The following PLXNA4 variants were observed in gnomAD, a reference collection of about 807,000 sequenced individuals.
PLXNA4 encodes the protein plexin-A4.
In PLXNA4, 44 loss-of-function variants were observed where a neutral mutation model predicts 191.8. The ratio of observed to expected loss-of-function variants is 0.23; its 90% CI spans 0.18 to 0.29. The LOEUF (loss-of-function observed/expected upper bound fraction) is 0.29, where lower values mean the gene tolerates loss of function less well. Among genes scored for constraint, PLXNA4 ranks in the 10% least tolerant of loss-of-function variants. PLXNA4 has a pLI of 1.00. For synonymous variants in PLXNA4, 1,082 were observed against 1,009.5 expected, an observed-to-expected ratio of 1.07 and a Z score of -1.36; for missense variants, 1,800 against 2,488.8, an observed-to-expected ratio of 0.72 and a Z score of 5.89.
chr7:132,597,713 T>C (rs921524107), intron 2 of PLXNA4, among the ~76,000 whole-genome samples: 2 of 152,194 alleles, frequency 1.3e-5, no homozygotes, highest in African/African-American at 2.4e-5. Context: ...GTATGCATTC[T>C]TGTAAAATAT....
At chr7:132,270,310 A>G (rs938901407) in intron 4 of PLXNA4, among the ~76,000 whole-genome samples, 1 of 152,236 alleles carries the variant, frequency 6.6e-6, no homozygotes, top group Non-Finnish European at 1.5e-5. Context: ...GGAGAGATTC[A>G]CAGACAATAG....
chr7:132,130,008 T>A lies in PLXNA4; in HGVS notation c.*471A>T. 1 of 169,166 alleles carries A rather than the reference T, an allele frequency of 5.9e-6. No homozygotes were observed. 10.5% of individuals were successfully genotyped at this position (169,166 alleles called of 1,614,324 possible). A position where few individuals can be genotyped will look rare whatever the true frequency, so the allele number is the denominator to read the frequency against. The stretch of plus-strand genomic sequence containing the variant: ...GGGAAGGGAGAGCCAGGTGATGTCT[T>A]CCCAGTAAAGATAATACTGAAGTCC... On this transcript the variant is annotated 3_prime_UTR_variant, in exon 32 of 32. Transcript: ENST00000321063.
chr7:132,333,138 T>G (rs1186818225), intron 3 of PLXNA4, among the ~76,000 whole-genome samples: 2 of 152,160 alleles, frequency 1.3e-5, no homozygotes, highest in East Asian at 3.9e-4. Flanking sequence ...GATGCTGTGG[T>G]CGGAAACTAG....
intron 3 of PLXNA4, among the ~76,000 whole-genome samples, chr7:132,461,929 T>C (rs1796522373): frequency 6.6e-6 from 1 of 152,154 alleles, no homozygotes; most frequent in Non-Finnish European, 1.5e-5. Context: ...AAATCAAAAT[T>C]AAGAAACCAC....
chr7:132,189,040 G>GAA lies in PLXNA4; in HGVS notation c.2857-1434_2857-1433insTT, dbSNP rs1562909189. ...AGAGAGAGAGAGAGAAAGAGAGAGA[G>GAA]AGAGAGAGAGAGAGAGAGAGAGAGA... On this transcript the variant is annotated intron_variant, in intron 14 of 31. Transcript: ENST00000321063. 2.6e-3 allele frequency among the ~76,000 whole-genome samples: 201 copies of GAA among 76,372 alleles called. 5 individuals carry two copies. The highest frequency in any genetic ancestry group is 0.016 in the East Asian group (43 of 2,672). 50.1% of individuals were successfully genotyped at this position (76,372 alleles called of 152,430 possible). A position where few individuals can be genotyped will look rare whatever the true frequency, so the allele number is the denominator to read the frequency against.
chr7:132,236,630 C>A (rs1562984250), intron 5 of PLXNA4, among the ~76,000 whole-genome samples: 1 of 152,144 alleles, frequency 6.6e-6, no homozygotes, highest in South Asian at 2.1e-4. Flanking sequence ...CTAACAGAGT[C>A]GCCTTCATAT....
chr7:132,225,962 CA>C (rs1374450627), intron 8 of PLXNA4, among the ~76,000 whole-genome samples, 198 bp downstream of exon 8: 1 of 149,956 alleles, frequency 6.7e-6, no homozygotes, highest in Non-Finnish European at 1.5e-5. Flanking sequence ...CTGTGGGTAC[CA>C]GAGGAGAGGG....
intron 3 of PLXNA4, among the ~76,000 whole-genome samples, chr7:132,326,494 T>A (rs1802362788): frequency 6.6e-6 from 1 of 152,094 alleles, no homozygotes; most frequent in African/African-American, 2.4e-5. Context: ...CTCTCTGTCC[T>A]ACTCTTGCCC....
intron 4 of PLXNA4, among the ~76,000 whole-genome samples, chr7:132,274,014 A>G (rs999170325): frequency 1.9e-4 from 28 of 150,738 alleles, no homozygotes; most frequent in Non-Finnish European, 1.8e-4. Flanking sequence ...TAAAAAAAAA[A>G]GGGGGCAACA....
rs78494244 is a variant in PLXNA4 at position 132,538,323 on chromosome 7, G to T, written c.-86-29544C>A. On this transcript the variant is annotated intron_variant, in intron 1 of 31. Transcript: ENST00000321063. ...TTATATGATCAGCACAAATGCACCG[G>T]CAAGGTCTTAGGCAGAGGCAGTCTG... 3.6e-3 allele frequency among the ~76,000 whole-genome samples: 547 copies of T among 152,316 alleles called. 7 individuals are homozygous for T. The highest frequency in any genetic ancestry group is 0.013 in the African/African-American group (520 of 41,566).
At chr7:132,556,170 C>T (rs969818713) in intron 1 of PLXNA4, among the ~76,000 whole-genome samples, 1 of 152,198 alleles carries the variant, frequency 6.6e-6, no homozygotes, top group Admixed American at 6.5e-5. Flanking sequence ...AAGTCAGTGC[C>T]TCCCAAACTT....
chr7:132,361,873 T>C (rs545830727), intron 3 of PLXNA4, among the ~76,000 whole-genome samples: 1 of 152,308 alleles, frequency 6.6e-6, no homozygotes, highest in African/African-American at 2.4e-5. Context: ...TATTTTGTCC[T>C]CCTTTGATCT....
In PLXNA4 at chr7:132,231,465, C is replaced by A. The variant is rs565049520; in HGVS notation, c.1605-2996G>T. 6.6e-5 allele frequency among the ~76,000 whole-genome samples: 10 copies of A among 152,260 alleles called. No individual in the cohort carries two copies. In the East Asian group the frequency reaches 1.7e-3, roughly 26 times the overall value. ...TTTGAGACAGAGTCTGGCTCTGTAGCCCAGGCTGGAATGCAGTGGCGTAAT... is the reference window on the plus strand; with the variant it reads ...TTTGAGACAGAGTCTGGCTCTGTAGACCAGGCTGGAATGCAGTGGCGTAAT... On this transcript the variant is annotated intron_variant, in intron 5 of 31. Transcript: ENST00000321063.
At chr7:132,239,102 G>A (rs892342111) in intron 5 of PLXNA4, among the ~76,000 whole-genome samples, 1 of 152,196 alleles carries the variant, frequency 6.6e-6, no homozygotes, top group Non-Finnish European at 1.5e-5. Flanking sequence ...GCTTCCCCGT[G>A]CAGGCTGAGG....
chr7:132,253,879 T>A (rs1017766622), intron 4 of PLXNA4, among the ~76,000 whole-genome samples: 1 of 152,206 alleles, frequency 6.6e-6, no homozygotes, highest in African/African-American at 2.4e-5. Flanking sequence ...AGCCCCCATA[T>A]GTGCAGACGC....
At chr7:132,606,525 T>C (rs947592339) in intron 2 of PLXNA4, among the ~76,000 whole-genome samples, 1 of 152,250 alleles carries the variant, frequency 6.6e-6, no homozygotes, top group African/African-American at 2.4e-5. Flanking sequence ...GTTTTCTGCA[T>C]TCACCTAGTG....
rs749200371 is a variant in PLXNA4, at chr7:132,185,325, C to A, written c.3132G>T (p.Arg1044=). 4.3e-6 allele frequency: 7 copies of A among 1,613,586 alleles called. No homozygotes were observed. In the South Asian group the frequency reaches 6.6e-5, roughly 15 times the overall value. Residue 1044 remains arginine, a synonymous_variant, in exon 16 of 32, where the codon CGG becomes CGT. Transcript: ENST00000321063. ...TGACAATGCTCCATTCTGGCTCAAT[C>A]CGCACGATGGTGGGGTCTTCCACAT... ...FQYVEDPTIV[R]IEPEWSIVSG...
At chr7:132,382,788 C>A (rs749259544) in intron 3 of PLXNA4, among the ~76,000 whole-genome samples, 3 of 151,994 alleles carry the variant, frequency 2.0e-5, no homozygotes, top group Admixed American at 2.0e-4. Context: ...TCTGAGCTAC[C>A]AATATATTTG....
chr7:132,262,347 AT>A (rs1293290768), intron 4 of PLXNA4, among the ~76,000 whole-genome samples: 1 of 152,152 alleles, frequency 6.6e-6, no homozygotes, highest in Non-Finnish European at 1.5e-5. Context: ...GCTGTGGATT[AT>A]TAATGATGTC....
Sources: gnomAD v4.1 joint callset for allele counts (sites outside exome capture counted in the v4.1 genomes callset) on GRCh38, gnomAD v4.1.1 for gene constraint, MANE v1.5 for transcripts, NCBI Gene and HGNC (gene_info 2026-07-23, HGNC 2026-07-21) for gene names.